Variants in RHBDD1 observed in about 807,000 individuals in gnomAD.
RHBDD1 encodes rhomboid-related protein 4.
RHBDD1 carries 38 observed loss-of-function variants against 36.3 expected under a neutral mutation model. The observed-to-expected ratio is 1.05, with a 90% CI of 0.81 to 1.37. The LOEUF is 1.37. Among genes scored for constraint, RHBDD1 ranks in the 40% most tolerant of loss-of-function variants. RHBDD1 has a pLI of 0.00. For synonymous variants in RHBDD1, 151 were observed against 136.5 expected (o/e 1.11, Z -0.74); for missense variants, 393 against 377.6 (o/e 1.04, Z -0.34).
chr2:226,801,057 A>C, the RHBDD1 span, among the ~76,000 whole-genome samples: 1 of 152,176 alleles, frequency 6.6e-6, no homozygotes, highest in Non-Finnish European at 1.5e-5. Context: ...ACTCGGTTTA[A>C]TGCTGTCTCA....
chr2:226,877,972 T>G (rs1414799065), intron 5 of RHBDD1, among the ~76,000 whole-genome samples: 1 of 150,614 alleles, frequency 6.6e-6, no homozygotes, highest in African/African-American at 2.5e-5. Context: ...AACATGGTTT[T>G]TCTTAAAAAA....
intron 5 of RHBDD1, among the ~76,000 whole-genome samples, chr2:226,903,954 C>T (rs1030902287): frequency 2.0e-5 from 3 of 152,142 alleles, no homozygotes; most frequent in Non-Finnish European, 4.4e-5. Context: ...TGTCACTGGA[C>T]AGCCAAACTC....
In RHBDD1 at chr2:226,945,139, A is replaced by T. The variant is rs371467763; in HGVS notation, c.856+30788A>T. ...TCCTGAGGACAGTGGAAACAAGATCAAATCTGATTATTATTATTATTATTA... is the reference window on the plus strand; with the variant it reads ...TCCTGAGGACAGTGGAAACAAGATCTAATCTGATTATTATTATTATTATTA... On this transcript the variant is annotated intron_variant, in intron 8 of 8. Coordinates refer to ENST00000392062, the MANE Select transcript of RHBDD1 (RefSeq NM_001167608.3). Among the ~76,000 whole-genome samples, 397 of 114,844 alleles carry T rather than the reference A, an allele frequency of 3.5e-3. 4 individuals are homozygous for T. In the South Asian group the frequency reaches 0.063, roughly 18 times the overall value. The allele number at this position is 114,844 out of a possible 152,430, so 75.3% of individuals were successfully genotyped here. A position where few individuals can be genotyped will look rare whatever the true frequency, so the allele number is the denominator to read the frequency against.
chr2:226,910,443 A>G (rs1264493916), intron 7 of RHBDD1, among the ~76,000 whole-genome samples: 1 of 152,172 alleles, frequency 6.6e-6, no homozygotes, highest in African/African-American at 2.4e-5. Flanking sequence ...TATATCTTAC[A>G]AGTAATGATT....
At chr2:226,893,485 T>C (rs761054848) in intron 5 of RHBDD1, among the ~76,000 whole-genome samples, 7 of 152,170 alleles carry the variant, frequency 4.6e-5, no homozygotes, top group Non-Finnish European at 1.0e-4. Context: ...TGCATTTCAG[T>C]TGTGGTGGGA....
chr2:226,922,214 T>C (rs1949369287), intron 8 of RHBDD1, among the ~76,000 whole-genome samples: 1 of 141,604 alleles, frequency 7.1e-6, no homozygotes, highest in Admixed American at 7.0e-5. Flanking sequence ...TTTTTTTTTT[T>C]TTTTTTTTTT....
chr2:226,975,015 C>T (rs987150950), intron 8 of RHBDD1, among the ~76,000 whole-genome samples: 2 of 152,092 alleles, frequency 1.3e-5, no homozygotes, highest in Non-Finnish European at 2.9e-5. Context: ...CTCCTTGGTA[C>T]GTGGAGAGAA....
intron 5 of RHBDD1, among the ~76,000 whole-genome samples, chr2:226,888,083 A>G (rs1052924659): frequency 3.9e-5 from 6 of 152,184 alleles, no homozygotes; most frequent in South Asian, 2.1e-4. Context: ...AAGTGAGGAC[A>G]TGTTAGACAT....
intron 5 of RHBDD1, among the ~76,000 whole-genome samples, chr2:226,903,819 C>G (rs1368705554): frequency 6.6e-6 from 1 of 152,088 alleles, no homozygotes; most frequent in African/African-American, 2.4e-5. Flanking sequence ...ACCTGAGACC[C>G]CAGGCTCCAG....
chr2:226,888,195 C>T (rs1946387936), intron 5 of RHBDD1, among the ~76,000 whole-genome samples: 1 of 152,142 alleles, frequency 6.6e-6, no homozygotes, highest in South Asian at 2.1e-4. Flanking sequence ...TTAAACTTCC[C>T]TCCCTAATTA....
At chr2:226,839,104 A>G (rs1318115070) in intron 2 of RHBDD1, among the ~76,000 whole-genome samples, 1 of 152,198 alleles carries the variant, frequency 6.6e-6, no homozygotes, top group Non-Finnish European at 1.5e-5. Flanking sequence ...ACATTTTTTA[A>G]TAAGGGATAA....
At chr2:226,845,724 C>A (rs1942138783) in intron 3 of RHBDD1, among the ~76,000 whole-genome samples, 1 of 152,192 alleles carries the variant, frequency 6.6e-6, no homozygotes, top group Non-Finnish European at 1.5e-5. Flanking sequence ...CTTAGAGCAG[C>A]CTGACAGCCT....
At chr2:226,885,883 G>A (rs971038087) in intron 5 of RHBDD1, among the ~76,000 whole-genome samples, 2 of 152,108 alleles carry the variant, frequency 1.3e-5, no homozygotes, top group East Asian at 1.9e-4. Flanking sequence ...TTTTCAATCC[G>A]ATAACCGAGA....
At chr2:226,900,759 A>G (rs1033443463) in intron 5 of RHBDD1, among the ~76,000 whole-genome samples, 7 of 152,124 alleles carry the variant, frequency 4.6e-5, no homozygotes, top group African/African-American at 1.7e-4. Context: ...TAAATGTTGT[A>G]TATGTTTAAG....
chr2:226,914,254 CTA>C lies in RHBDD1; in HGVS notation c.761_762del (p.Tyr254Ter). Reference protein sequence around the residue: ...DYYPHGRPDHYEEAPRNYDTY... With the variant: ...DYYPHGRPDHXEEAPRNYDTY... ...ATTATCCGCATGGCAGGCCAGATCA[CTA>C]TGAAGAAGCACCCAGGAACTATGAC... is the stretch of plus-strand genomic sequence containing the variant. On this transcript the variant is annotated frameshift_variant, in exon 8 of 9. Transcript: ENST00000392062. LOFTEE classifies it high-confidence loss of function. 6.2e-7 allele frequency: 1 copy of C among 1,613,862 alleles called. No individual in the cohort carries two copies.
chr2:226,927,947 A>G (rs139246315), intron 8 of RHBDD1, among the ~76,000 whole-genome samples: 161 of 152,202 alleles, frequency 1.1e-3, no homozygotes, highest in Non-Finnish European at 1.7e-3. Context: ...ACAAAAGTTT[A>G]TAATTTTGAT....
intron 8 of RHBDD1, chr2:226,935,087 A>C (rs1950255053): frequency 6.6e-6 from 1 of 151,880 alleles, no homozygotes; most frequent in African/African-American, 2.4e-5. Context: ...CAGAATTGTC[A>C]CCCCCAGCTC....
upstream of RHBDD1, among the ~76,000 whole-genome samples, chr2:226,835,393 G>T (rs1940866008): frequency 6.6e-6 from 1 of 152,204 alleles, no homozygotes; most frequent in African/African-American, 2.4e-5. Context: ...CTCAAAATGG[G>T]CAAACGTTGC....
chr2:226,889,406 A>G (rs755531562), intron 5 of RHBDD1, among the ~76,000 whole-genome samples: 1 of 152,206 alleles, frequency 6.6e-6, no homozygotes, highest in Non-Finnish European at 1.5e-5. Context: ...GAGTTTTCTT[A>G]AAGTTCAGCT....
Sources: allele counts gnomAD v4.1 joint callset (sites outside exome capture counted in the v4.1 genomes callset), GRCh38; gene constraint gnomAD v4.1.1; transcripts MANE v1.5; gene names NCBI Gene and HGNC (gene_info 2026-07-23, HGNC 2026-07-21).